The following EIF5B variants were observed in gnomAD, a reference collection of about 807,000 sequenced individuals.
The protein encoded by EIF5B is eIF-5B.
Under a neutral mutation model 147.5 loss-of-function variants are expected in EIF5B, and 47 were observed. The observed-to-expected ratio is 0.32, with a 90% CI of 0.25 to 0.41. The LOEUF (loss-of-function observed/expected upper bound fraction) is 0.41. EIF5B is among the 10% of genes least tolerant of loss of function. EIF5B has a pLI of 1.00. For synonymous variants in EIF5B, 455 were observed against 456.2 expected (o/e 1.00, Z 0.03); for missense variants, 1,064 against 1,413.2 (o/e 0.75, Z 3.96).
intron 14 of EIF5B, among the ~76,000 whole-genome samples, chr2:99,386,608 C>T (rs1358435226): frequency 6.7e-6 from 1 of 149,654 alleles, no homozygotes; most frequent in Non-Finnish European, 1.5e-5. Flanking sequence ...TGGTTAACTA[C>T]AACGTCCGCC....
At chr2:99,390,195 A>G in intron 15 of EIF5B, 24 bp from the exon 16 acceptor site, 1 of 1,613,098 alleles carries the variant, frequency 6.2e-7, no homozygotes, top group Non-Finnish European at 8.5e-7. Context: ...ACAGCCTGGC[A>G]TTTTGGATGA....
At chr2:99,399,147 C>A in intron 23 of EIF5B, 160 bp from the exon 24 acceptor site, 1 of 786,646 alleles carries the variant, frequency 1.3e-6, no homozygotes, top group Non-Finnish European at 2.0e-6. Flanking sequence ...ACATGCAAAC[C>A]AGATGTGATT....
chr2:99,362,690 C>T (rs926299062), intron 4 of EIF5B, among the ~76,000 whole-genome samples: 4 of 152,102 alleles, frequency 2.6e-5, no homozygotes, highest in African/African-American at 9.7e-5. Context: ...CAGACTGAGA[C>T]TCTGTCTCAA....
At chr2:99,375,592 A>G (rs1209973657) in intron 9 of EIF5B, among the ~76,000 whole-genome samples, 2 of 152,146 alleles carry the variant, frequency 1.3e-5, no homozygotes, top group East Asian at 3.9e-4. Flanking sequence ...CGAATCAACA[A>G]ATGACCATAA....
chr2:99,385,580 T>C (rs1305161842), intron 14 of EIF5B, among the ~76,000 whole-genome samples: 1 of 152,214 alleles, frequency 6.6e-6, no homozygotes, highest in African/African-American at 2.4e-5. Context: ...ATACATTGCT[T>C]TTTTTAAGAA....
intron 7 of EIF5B, 71 bp from the exon 8 acceptor site, chr2:99,369,321 A>G: frequency 8.3e-7 from 1 of 1,201,720 alleles, no homozygotes. Context: ...TTTATTCAGT[A>G]CTTAATGGAG....
At chr2:99,383,375 C>T (rs1263788429) in intron 14 of EIF5B, among the ~76,000 whole-genome samples, 3 of 152,162 alleles carry the variant, frequency 2.0e-5, no homozygotes, top group African/African-American at 7.2e-5. Flanking sequence ...GTTCCCTTGT[C>T]TCTTTCTCTC....
At chr2:99,399,218 G>C in intron 23 of EIF5B, 89 bp from the exon 24 acceptor site, 2 of 1,247,694 alleles carry the variant, frequency 1.6e-6, no homozygotes, top group Non-Finnish European at 1.1e-6. Flanking sequence ...AAGCTTTTTA[G>C]TACAGTGAGA....
At chr2:99,372,172 A>G (rs1674464738) in intron 9 of EIF5B, among the ~76,000 whole-genome samples, 1 of 152,170 alleles carries the variant, frequency 6.6e-6, no homozygotes. Context: ...TTACTAACTT[A>G]CTGATAATGA....
intron 6 of EIF5B, among the ~76,000 whole-genome samples, chr2:99,366,216 C>G (rs1674326001): frequency 6.6e-6 from 1 of 152,208 alleles, no homozygotes; most frequent in African/African-American, 2.4e-5. Flanking sequence ...TAAACACATA[C>G]AAGTCTTGGT....
chr2:99,399,138 C>T, intron 23 of EIF5B, 169 bp from the exon 24 acceptor site: 1 of 767,192 alleles, frequency 1.3e-6, no homozygotes, highest in Non-Finnish European at 2.1e-6. Flanking sequence ...TCGTGCCTGA[C>T]ATGCAAACCA....
rs1675153503 is a variant in EIF5B at position 99,399,511 on chromosome 2, C to G, written c.*97C>G. 9.0e-7 allele frequency: 1 copy of G among 1,108,568 alleles called. No homozygotes were observed. The highest frequency in any genetic ancestry group is 1.3e-6 in the Non-Finnish European group (1 of 753,530). 68.7% of individuals were successfully genotyped at this position (1,108,568 alleles called of 1,614,324 possible). On this transcript the variant is annotated 3_prime_UTR_variant, in exon 24 of 24. Transcript: ENST00000289371. ...AAAATGGAACAGACGTATTTGGACACTGATGGACTTAAGTATGGAAGGAAG... is the reference window on the plus strand; with the variant it reads ...AAAATGGAACAGACGTATTTGGACAGTGATGGACTTAAGTATGGAAGGAAG...
chr2:99,386,699 G>T (rs1368065632), intron 14 of EIF5B, among the ~76,000 whole-genome samples: 2 of 140,412 alleles, frequency 1.4e-5, no homozygotes, highest in Admixed American at 7.0e-5. Context: ...GGTTAGGGTT[G>T]TTTTTTTCTG....
rs1675196150 is a variant in EIF5B, at chr2:99,400,231, C to T, written c.*817C>T. 1 of 148,936 alleles carries T rather than the reference C, an allele frequency of 6.7e-6. No homozygotes were observed. Among genetic ancestry groups the T allele is most frequent in the Non-Finnish European group, 1.5e-5 (1 of 67,980 alleles). The allele number at this position is 148,936 out of a possible 1,614,324, so 9.2% of individuals were successfully genotyped here. On this transcript the variant is annotated 3_prime_UTR_variant, in exon 24 of 24. Transcript: ENST00000289371. ...TACATTAATCTTGATCTGTTTTAAT[C>T]TTGATCTGTTTTAGTAGAGATTTTT...
chr2:99,338,484 A>G, intron 1 of EIF5B: 1 of 455,702 alleles, frequency 2.2e-6, no homozygotes, highest in Non-Finnish European at 4.1e-6. Flanking sequence ...TAAAAAAACT[A>G]GTGCTAGTTC....
At chr2:99,363,932 T>C (rs1392678610) in intron 5 of EIF5B, 70 bp downstream of exon 5, 2 of 1,467,248 alleles carry the variant, frequency 1.4e-6, no homozygotes, top group South Asian at 1.3e-5. Flanking sequence ...TAAAATATCT[T>C]TACTCTTCTA....
rs754201313 is a variant in EIF5B at position 99,376,674 on chromosome 2, C to T, written c.1842+38C>T. On this transcript the variant is annotated intron_variant, in intron 10 of 23. Coordinates refer to ENST00000289371, the MANE Select transcript of EIF5B (RefSeq NM_015904.4). ...CCGTTTCTCTCTACTTTTCTTCCCA[C>T]TCCTCTGTGATGATTAAAACAGTAC... The T allele has an allele frequency of 4.5e-6, 7 of 1,560,678 alleles. No homozygotes were observed. The East Asian group carries it at 1.3e-4, about 30-fold the overall frequency.
chr2:99,388,416 G>T (rs972587934), intron 14 of EIF5B, among the ~76,000 whole-genome samples: 1 of 126,864 alleles, frequency 7.9e-6, no homozygotes, highest in Non-Finnish European at 1.6e-5. Flanking sequence ...GATGTCAGCT[G>T]CAGGGTTTTT....
chr2:99,339,894 C>T (rs1474408259), intron 1 of EIF5B, among the ~76,000 whole-genome samples: 2 of 152,122 alleles, frequency 1.3e-5, no homozygotes, highest in African/African-American at 4.8e-5. Context: ...TTTTCCCCCT[C>T]TCAACCTAAT....
Sources: gnomAD v4.1 joint callset for allele counts (sites outside exome capture counted in the v4.1 genomes callset) on GRCh38, gnomAD v4.1.1 for gene constraint, MANE v1.5 for transcripts, NCBI Gene and HGNC (gene_info 2026-07-23, HGNC 2026-07-21) for gene names.